Variants in FERMT2 observed in about 807,000 individuals in gnomAD.
The protein encoded by FERMT2 is FERM domain containing kindlin 2.
In FERMT2, 15 loss-of-function variants were observed where a neutral mutation model predicts 82.7. The ratio of observed to expected loss-of-function variants is 0.18; its 90% CI spans 0.12 to 0.28. The LOEUF (loss-of-function observed/expected upper bound fraction) is 0.28. Among genes scored for constraint, FERMT2 ranks in the 10% least tolerant of loss-of-function variants. The pLI is 1.00. For missense variants in FERMT2, 645 were observed against 809.4 expected, an observed-to-expected ratio of 0.80 and a Z score of 2.46; for synonymous variants, 274 against 271.5, an observed-to-expected ratio of 1.01 and a Z score of -0.09.
In FERMT2 at chr14:52,950,969, G is replaced by A. The variant is rs915805827; in HGVS notation, c.-58C>T. ...CCGGGACTCGCGCGGCAACAGGCGA[G>A]GGGCTGGAGGCTCGCGGGGCGGCGG... On this transcript the variant is annotated 5_prime_UTR_variant, in exon 1 of 15. Transcript: ENST00000341590. The A allele has an allele frequency of 1.1e-4, 17 of 156,798 alleles. No individual in the cohort carries two copies. Among genetic ancestry groups the A allele is most frequent in the Non-Finnish European group, 2.0e-4 (14 of 71,568 alleles). 9.7% of individuals were successfully genotyped at this position (156,798 alleles called of 1,614,324 possible).
chr14:52,947,535 T>C (rs1018261546), intron 2 of FERMT2, among the ~76,000 whole-genome samples: 1 of 152,228 alleles, frequency 6.6e-6, no homozygotes, highest in East Asian at 1.9e-4. Context: ...GATCTTTGAA[T>C]TAAAGTCAAA....
At chr14:52,859,801 A>G in intron 13 of FERMT2, 87 bp from the exon 14 acceptor site, 1 of 717,500 alleles carries the variant, frequency 1.4e-6, no homozygotes, top group Non-Finnish European at 2.1e-6. Context: ...GTTCTCTCTA[A>G]CCCTAAAAGA....
chr14:52,905,570 G>A (rs898674509), intron 3 of FERMT2, among the ~76,000 whole-genome samples: 7 of 152,198 alleles, frequency 4.6e-5, no homozygotes, highest in Admixed American at 1.3e-4. Flanking sequence ...GGGTGGAGAT[G>A]GAGAGACGTG....
intron 3 of FERMT2, among the ~76,000 whole-genome samples, chr14:52,896,082 C>T (rs1017430991): frequency 6.6e-5 from 10 of 152,130 alleles, no homozygotes; most frequent in African/African-American, 1.2e-4. Flanking sequence ...ATAAAGTAAT[C>T]GCACTATGAT....
At chr14:52,904,034 C>T (rs1384806685) in intron 3 of FERMT2, among the ~76,000 whole-genome samples, 1 of 152,188 alleles carries the variant, frequency 6.6e-6, no homozygotes, top group Non-Finnish European at 1.5e-5. Context: ...GCAAAAGCAG[C>T]AAATGATAAA....
At chr14:52,938,078 C>T (rs576760550) in intron 2 of FERMT2, among the ~76,000 whole-genome samples, 4 of 152,278 alleles carry the variant, frequency 2.6e-5, no homozygotes, top group South Asian at 2.1e-4. Flanking sequence ...TGTTAAATAA[C>T]GTGGCACAGG....
chr14:52,950,693 C>A, intron 1 of FERMT2, 116 bp from the exon 2 acceptor site: 2 of 1,035,398 alleles, frequency 1.9e-6, no homozygotes, highest in Middle Eastern at 3.2e-4. Flanking sequence ...CCGGGGCTTT[C>A]GGCAGAAACT....
intron 4 of FERMT2, among the ~76,000 whole-genome samples, chr14:52,891,599 G>A (rs756273361): frequency 3.9e-5 from 6 of 152,124 alleles, no homozygotes; most frequent in Non-Finnish European, 1.5e-5. Flanking sequence ...GTTTCCATGG[G>A]TAAAGTGCAT....
intron 3 of FERMT2, among the ~76,000 whole-genome samples, chr14:52,902,221 T>C (rs960276385): frequency 2.0e-5 from 3 of 151,490 alleles, no homozygotes; most frequent in African/African-American, 2.4e-5. Context: ...GGTGAAACCC[T>C]GTCTCTACTA....
chr14:52,859,803 C>T, intron 13 of FERMT2, 89 bp from the exon 14 acceptor site: 1 of 727,418 alleles, frequency 1.4e-6, no homozygotes, highest in Non-Finnish European at 2.1e-6. Context: ...TCTCTCTAAC[C>T]CTAAAAGAGT....
At chr14:52,898,891 A>G (rs908330317) in intron 3 of FERMT2, among the ~76,000 whole-genome samples, 2 of 152,256 alleles carry the variant, frequency 1.3e-5, no homozygotes, top group Non-Finnish European at 2.9e-5. Flanking sequence ...GGCACTATTT[A>G]GTGGGAGACA....
rs1160651506 is a variant in FERMT2 at position 52,864,621 on chromosome 14, T to C, written c.1382A>G (p.Glu461Gly). 1 of 1,613,946 alleles carries C rather than the reference T, an allele frequency of 6.2e-7. No homozygotes were observed. The highest frequency in any genetic ancestry group is 8.5e-7 in the Non-Finnish European group (1 of 1,179,814). The part of the protein sequence containing the change: ...MNEIWLRCDN[E>G]KQYAHWMAAC... Reference sequence around the variant, plus strand: ...TGCCATCCAGTGTGCATACTGTTTTTCCTGGAGAAAAGAAATACTGATGTG... The same window carrying C: ...TGCCATCCAGTGTGCATACTGTTTTCCCTGGAGAAAAGAAATACTGATGTG... Residue 461 changes from glutamate to glycine, a missense_variant and splice_region_variant, in exon 12 of 15, where the codon GAA (glutamate) becomes GGA (glycine). Glu to Gly is a moderately conservative substitution (Grantham distance 98). Coordinates refer to ENST00000341590, the MANE Select transcript of FERMT2 (RefSeq NM_006832.3).
chr14:52,941,006 A>T (rs1308256563), intron 2 of FERMT2, among the ~76,000 whole-genome samples: 1 of 152,172 alleles, frequency 6.6e-6, no homozygotes, highest in African/African-American at 2.4e-5. Flanking sequence ...GAAAAATGAA[A>T]ATATGCATTC....
intron 10 of FERMT2, among the ~76,000 whole-genome samples, chr14:52,867,745 C>T (rs1452387249): frequency 2.0e-5 from 3 of 152,128 alleles, no homozygotes; most frequent in Non-Finnish European, 4.4e-5. Context: ...TCATCTTTCC[C>T]CCCAAACCCA....
In FERMT2 at chr14:52,861,027, T is replaced by C. The variant is rs1323605274; in HGVS notation, c.1603-562A>G. 3.3e-6 allele frequency: 5 copies of C among 1,519,864 alleles called. No individual in the cohort carries two copies. In the South Asian group the frequency reaches 6.6e-5, roughly 20 times the overall value. The allele number at this position is 1,519,864 out of a possible 1,614,324, so 94.1% of individuals were successfully genotyped here. ...TGGAGAACTTACCAAATCTCTTATA[T>C]AGCCTGGCTGTAGATGGCAATGCGA... is the stretch of plus-strand genomic sequence containing the variant. On this transcript the variant is annotated intron_variant, in intron 12 of 14. Coordinates refer to ENST00000341590, the MANE Select transcript of FERMT2 (RefSeq NM_006832.3).
chr14:52,886,986 A>T (rs1281124676), intron 4 of FERMT2, among the ~76,000 whole-genome samples: 3 of 152,352 alleles, frequency 2.0e-5, no homozygotes, highest in Admixed American at 2.0e-4. Flanking sequence ...GAGAAAACAC[A>T]ATGTGTGTAT....
At chr14:52,860,616 A>G in intron 12 of FERMT2, 151 bp from the exon 13 acceptor site, 1 of 665,784 alleles carries the variant, frequency 1.5e-6, no homozygotes, top group Non-Finnish European at 2.5e-6. Context: ...ACATTTGGAC[A>G]CTGTAATAAT....
intron 10 of FERMT2, among the ~76,000 whole-genome samples, chr14:52,865,836 T>C (rs139803943): frequency 1.8e-3 from 274 of 152,308 alleles, no homozygotes; most frequent in African/African-American, 6.1e-3. Context: ...AAGAACACTT[T>C]AGATAAAGGA....
intron 10 of FERMT2, among the ~76,000 whole-genome samples, chr14:52,869,281 G>A (rs1246892514): frequency 1.3e-5 from 2 of 152,180 alleles, no homozygotes; most frequent in Admixed American, 6.5e-5. Context: ...TGTGGGAATA[G>A]CAATTGTTTA....
Sources: gnomAD v4.1 joint callset for allele counts (sites outside exome capture counted in the v4.1 genomes callset) on GRCh38, gnomAD v4.1.1 for gene constraint, MANE v1.5 for transcripts, NCBI Gene and HGNC (gene_info 2026-07-23, HGNC 2026-07-21) for gene names.